Variants in NTNG1 observed in about 807,000 individuals in gnomAD.
NTNG1 encodes the protein netrin-G1.
A neutral mutation model predicts 54.0 loss-of-function variants in NTNG1; 16 were observed. The ratio of observed to expected loss-of-function variants is 0.30; its 90% CI spans 0.20 to 0.45. The LOEUF (loss-of-function observed/expected upper bound fraction) is 0.45. NTNG1 is among the 20% of genes least tolerant of loss of function. The pLI is 1.00. For synonymous variants in NTNG1, 255 were observed against 263.1 expected (o/e 0.97, Z 0.30); for missense variants, 530 against 678.7 (o/e 0.78, Z 2.43).
chr1:107,247,025 AT>A (rs1643177902), intron 2 of NTNG1, among the ~76,000 whole-genome samples: 1 of 152,176 alleles, frequency 6.6e-6, no homozygotes, highest in Non-Finnish European at 1.5e-5. Context: ...GGATTCGGAG[AT>A]GAGGCTGTCT....
chr1:107,260,801 A>T (rs1184128893), intron 2 of NTNG1: 1 of 152,190 alleles, frequency 6.6e-6, no homozygotes, highest in Non-Finnish European at 1.5e-5. Flanking sequence ...CCCCTTCTAC[A>T]CCACACACGT....
At chr1:107,249,257 G>A (rs897508891) in intron 2 of NTNG1, among the ~76,000 whole-genome samples, 5 of 151,628 alleles carry the variant, frequency 3.3e-5, no homozygotes, top group African/African-American at 1.2e-4. Context: ...AGGCTCAGAT[G>A]GGCGGATCAC....
chr1:107,458,937 A>G (rs986428765), intron 7 of NTNG1, among the ~76,000 whole-genome samples: 60 of 152,118 alleles, frequency 3.9e-4, no homozygotes, highest in Non-Finnish European at 1.5e-5. Flanking sequence ...GTTTCGTTCT[A>G]CTTCCTACAA....
chr1:107,319,193 A>G (rs1667502863), intron 2 of NTNG1, among the ~76,000 whole-genome samples: 1 of 152,118 alleles, frequency 6.6e-6, no homozygotes, highest in African/African-American at 2.4e-5. Flanking sequence ...GTCTTCAGAA[A>G]AGTCACAAAG....
intron 5 of NTNG1, among the ~76,000 whole-genome samples, chr1:107,412,650 T>C (rs1673902761): frequency 6.6e-6 from 1 of 152,144 alleles, no homozygotes; most frequent in African/African-American, 2.4e-5. Flanking sequence ...AAATCAGAGT[T>C]CATTTTCGGA....
chr1:107,390,896 G>A lies in NTNG1; in HGVS notation c.888-4258G>A, dbSNP rs117641361. On this transcript the variant is annotated intron_variant, in intron 3 of 7. Coordinates refer to ENST00000370068, the MANE Select transcript of NTNG1 (RefSeq NM_001113226.3). ...AATACAGTCTACAGTCTATAGCAAA[G>A]ATGCTATGGGTTTTATTATGCAACC... Among the ~76,000 whole-genome samples the A allele has an allele frequency of 3.2e-4, 48 of 152,296 alleles. 1 individual carries two copies. In the East Asian group the frequency reaches 9.3e-3, roughly 29 times the overall value.
At chr1:107,229,468 G>A (rs1660912173) in intron 2 of NTNG1, among the ~76,000 whole-genome samples, 1 of 151,274 alleles carries the variant, frequency 6.6e-6, no homozygotes, top group Non-Finnish European at 1.5e-5. Flanking sequence ...TCTTTCCAGA[G>A]CAGCTTATTT....
intron 3 of NTNG1, among the ~76,000 whole-genome samples, chr1:107,391,674 C>T (rs1324807799): frequency 1.3e-5 from 2 of 152,028 alleles, no homozygotes; most frequent in Non-Finnish European, 2.9e-5. Flanking sequence ...GGGAAGTTGA[C>T]ATGTCACATG....
At chr1:107,276,892 G>A (rs1664514591) in intron 2 of NTNG1, among the ~76,000 whole-genome samples, 1 of 151,632 alleles carries the variant, frequency 6.6e-6, no homozygotes, top group South Asian at 2.1e-4. Flanking sequence ...ATCTTTGATG[G>A]TGAATAGAGG....
intron 2 of NTNG1, among the ~76,000 whole-genome samples, chr1:107,211,146 G>C (rs1168723082): frequency 6.6e-6 from 1 of 152,028 alleles, no homozygotes; most frequent in African/African-American, 2.4e-5. Context: ...AAGGGTCTTT[G>C]GTGTCTGGAA....
chr1:107,156,878 C>T (rs892759763), intron 2 of NTNG1, among the ~76,000 whole-genome samples: 19 of 152,120 alleles, frequency 1.2e-4, no homozygotes, highest in African/African-American at 4.3e-4. Flanking sequence ...TGGTATTAAG[C>T]GAAGTCAGGC....
intron 3 of NTNG1, among the ~76,000 whole-genome samples, chr1:107,338,830 T>A (rs1039046307): frequency 1.4e-4 from 20 of 142,662 alleles, no homozygotes; most frequent in East Asian, 1.0e-3. Flanking sequence ...TTTAAAAAAA[T>A]AATAATAATA....
chr1:107,447,224 A>G (rs1328378169), intron 7 of NTNG1, among the ~76,000 whole-genome samples: 2 of 152,104 alleles, frequency 1.3e-5, no homozygotes, highest in African/African-American at 4.8e-5. Context: ...CAATGGACTT[A>G]GCCTATGTGT....
intron 2 of NTNG1, among the ~76,000 whole-genome samples, chr1:107,202,269 A>G (rs1255664253): frequency 6.6e-6 from 1 of 151,816 alleles, no homozygotes; most frequent in Non-Finnish European, 1.5e-5. Context: ...CTCAGTTTCA[A>G]CCTTTACTAA....
chr1:107,337,551 C>A (rs1311694277), intron 3 of NTNG1, among the ~76,000 whole-genome samples: 1 of 151,860 alleles, frequency 6.6e-6, no homozygotes, highest in Non-Finnish European at 1.5e-5. Context: ...GATGGTTGCA[C>A]AACAATGTGA....
At chr1:107,230,123 C>T (rs950871667) in intron 2 of NTNG1, among the ~76,000 whole-genome samples, 2 of 152,092 alleles carry the variant, frequency 1.3e-5, no homozygotes, top group East Asian at 1.9e-4. Flanking sequence ...GGGACCTACT[C>T]AAAAATGTGT....
chr1:107,326,569 A>G (rs983315679), intron 3 of NTNG1, among the ~76,000 whole-genome samples: 2 of 152,174 alleles, frequency 1.3e-5, no homozygotes, highest in African/African-American at 4.8e-5. Context: ...GAAGTAGCAA[A>G]TATTCAATTC....
chr1:107,141,232 G>A (rs1254380988), intron 1 of NTNG1, 92 bp downstream of exon 1: 2 of 151,784 alleles, frequency 1.3e-5, no homozygotes, highest in Non-Finnish European at 1.5e-5. Flanking sequence ...CGGAATCCCC[G>A]GGCTGCGGCG....
intron 3 of NTNG1, among the ~76,000 whole-genome samples, chr1:107,332,941 A>T (rs990839886): frequency 5.9e-5 from 9 of 152,060 alleles, no homozygotes; most frequent in Non-Finnish European, 1.3e-4. Flanking sequence ...AGGAAAATTT[A>T]AAAATTACTT....
Sources: allele counts gnomAD v4.1 joint callset (sites outside exome capture counted in the v4.1 genomes callset), GRCh38; gene constraint gnomAD v4.1.1; transcripts MANE v1.5; gene names NCBI Gene and HGNC (gene_info 2026-07-23, HGNC 2026-07-21).